Variants in SGSM1 observed in about 807,000 individuals in gnomAD.
The protein encoded by SGSM1 is RUN and TBC1 domain containing 2.
A neutral mutation model predicts 133.8 loss-of-function variants in SGSM1; 73 were observed. The ratio of observed to expected loss-of-function variants is 0.55; its 90% CI spans 0.45 to 0.66. The LOEUF (loss-of-function observed/expected upper bound fraction) is 0.66. Among genes scored for constraint, SGSM1 ranks in the 30% least tolerant of loss-of-function variants. The pLI is 0.00. For missense variants in SGSM1, 1,213 were observed against 1,448.1 expected (o/e 0.84, Z 2.64); for synonymous variants, 563 against 573.0 (o/e 0.98, Z 0.25).
intron 15 of SGSM1, among the ~76,000 whole-genome samples, chr22:24,885,905 A>G (rs1883856982): frequency 6.6e-6 from 1 of 152,172 alleles, no homozygotes; most frequent in Non-Finnish European, 1.5e-5. Flanking sequence ...TATTCACGCC[A>G]GGATATCTGA....
intron 9 of SGSM1, 111 bp downstream of exon 9, chr22:24,859,951 C>A (rs982986497): frequency 1.4e-6 from 2 of 1,450,898 alleles, no homozygotes; most frequent in African/African-American, 1.4e-5. Context: ...CTTCTGCCCC[C>A]TCCTCTGCCT....
intron 4 of SGSM1, among the ~76,000 whole-genome samples, chr22:24,849,783 G>A (rs73879149): frequency 0.01 from 1,595 of 152,270 alleles, 37 homozygotes; most frequent in African/African-American, 0.036. Flanking sequence ...CGGAAGAAGC[G>A]GCAGCCCAGG....
chr22:24,856,196 T>C, intron 8 of SGSM1: 3 of 306,926 alleles, frequency 9.8e-6, no homozygotes, highest in South Asian at 8.7e-5. Flanking sequence ...TAGGTGCATA[T>C]GGTAGCAAGA....
Position 24,925,511 on chromosome 22 carries a change from G to A in SGSM1, c.*1237G>A, listed in dbSNP as rs1248325518. 1.3e-5 allele frequency: 2 copies of A among 152,124 alleles called. No individual in the cohort carries two copies. The highest frequency in any genetic ancestry group is 2.9e-5 in the Non-Finnish European group (2 of 68,030). The allele number at this position is 152,124 out of a possible 1,614,324, so 9.4% of individuals were successfully genotyped here. ...AGAAAAGTATCTCCCCACATAGGCG[G>A]TGGACCCAAAAAGTGTAGGCATGAG... On this transcript the variant is annotated 3_prime_UTR_variant, in exon 25 of 25. Transcript: ENST00000400358.
In SGSM1 at chr22:24,926,586, T is replaced by G. The variant is rs1934214967; in HGVS notation, c.*2312T>G. ...TAGTCTCAAAGTACAGCACAAAATC[T>G]CTTCTCTGCCTTCTCTTGTGATGTT... On this transcript the variant is annotated 3_prime_UTR_variant, in exon 25 of 25. Coordinates refer to ENST00000400358, the MANE Select transcript of SGSM1 (RefSeq NM_001098497.3). The G allele has an allele frequency of 6.6e-6, 1 of 152,180 alleles. No homozygotes were observed. Among genetic ancestry groups the G allele is most frequent in the Non-Finnish European group, 1.5e-5 (1 of 68,044 alleles). 9.4% of individuals were successfully genotyped at this position (152,180 alleles called of 1,614,324 possible). A position where few individuals can be genotyped will look rare whatever the true frequency, so the allele number is the denominator to read the frequency against.
intron 9 of SGSM1, among the ~76,000 whole-genome samples, chr22:24,862,549 T>A (rs564637869): frequency 6.6e-6 from 1 of 152,312 alleles, no homozygotes; most frequent in South Asian, 2.1e-4. Context: ...TAGTACATAG[T>A]AGGTGCTCAG....
At chr22:24,864,943 A>T (rs985496072) in intron 9 of SGSM1, among the ~76,000 whole-genome samples, 3 of 152,210 alleles carry the variant, frequency 2.0e-5, no homozygotes, top group African/African-American at 7.2e-5. Context: ...CAGATTATTT[A>T]TCTGTAAGAT....
intron 10 of SGSM1, among the ~76,000 whole-genome samples, chr22:24,867,449 C>G (rs1931522953): frequency 6.6e-6 from 1 of 152,222 alleles, no homozygotes; most frequent in Admixed American, 6.5e-5. Flanking sequence ...CTGACACTTA[C>G]TAAGCAGTGA....
intron 12 of SGSM1, chr22:24,874,698 T>C (rs1309125791): frequency 6.9e-6 from 9 of 1,310,616 alleles, no homozygotes; most frequent in Non-Finnish European, 8.2e-6. Context: ...GGCAGAGGGA[T>C]TGATGCCCTC....
intron 2 of SGSM1, among the ~76,000 whole-genome samples, chr22:24,827,738 C>T (rs1026871241): frequency 6.6e-6 from 1 of 152,084 alleles, no homozygotes; most frequent in Non-Finnish European, 1.5e-5. Flanking sequence ...TGCTGATTAC[C>T]ACCCACCTCA....
At chr22:24,855,512 A>G (rs1653095088) in intron 7 of SGSM1, 37 bp from the exon 8 acceptor site, 4 of 1,613,434 alleles carry the variant, frequency 2.5e-6, no homozygotes, top group Non-Finnish European at 3.4e-6. Context: ...AAATCACCCC[A>G]GGCCTCATCC....
intron 21 of SGSM1, among the ~76,000 whole-genome samples, chr22:24,906,897 G>C (rs1933402323): frequency 6.6e-6 from 1 of 152,056 alleles, no homozygotes; most frequent in Non-Finnish European, 1.5e-5. Context: ...GTTGGAGTGA[G>C]CTGAGATTGC....
chr22:24,810,524 G>A (rs909432563), intron 2 of SGSM1, among the ~76,000 whole-genome samples: 31 of 152,092 alleles, frequency 2.0e-4, no homozygotes, highest in African/African-American at 6.5e-4. Context: ...CTGGCTTCCC[G>A]TTGCCATAAC....
intron 14 of SGSM1, among the ~76,000 whole-genome samples, chr22:24,880,052 C>T (rs1278711842): frequency 2.0e-5 from 3 of 152,022 alleles, no homozygotes; most frequent in Non-Finnish European, 4.4e-5. Flanking sequence ...GATGACTTGC[C>T]TAAGGTCACA....
chr22:24,885,760 C>T (rs540164153), intron 15 of SGSM1, among the ~76,000 whole-genome samples: 8 of 152,304 alleles, frequency 5.3e-5, no homozygotes, highest in African/African-American at 1.4e-4. Context: ...ATGTATCCCT[C>T]GCTCTTTTAC....
Position 24,893,546 on chromosome 22 carries a change from C to T in SGSM1, c.1886C>T (p.Ser629Leu), listed in dbSNP as rs865885556. ...ESHAAALAKC[S>L]SGASLDSHLH... is the part of the protein sequence containing the mutation. ...CATGCGGCCGCCCTGGCCAAATGCT[C>T]ATCCGGGGCCAGCTTGGACAGCCAC... The change falls in exon 17 of 25, where the codon TCA becomes TTA. Residue 629 changes from serine (S) to leucine (L), a missense_variant. Transcript: ENST00000400358. The T allele has an allele frequency of 1.9e-6, 3 of 1,606,324 alleles. No individual in the cohort carries two copies. In the Admixed American group the frequency reaches 5.1e-5, roughly 27 times the overall value.
rs368429859 is a variant in SGSM1 at position 24,868,679 on chromosome 22, A to ACAGAT, written c.1159-43_1159-39dup. The stretch of plus-strand genomic sequence containing the variant: ...CCCTCAGACTAAGCAAGTTGTGGGG[A>ACAGAT]CAGATGTGTCCCAAGGACCTTGTTT... On this transcript the variant is annotated intron_variant, in intron 11 of 24. Transcript: ENST00000400358. The ACAGAT allele has an allele frequency of 8.9e-4, 1,428 of 1,611,364 alleles. 5 individuals are homozygous for ACAGAT. The highest frequency in any genetic ancestry group is 8.8e-3 in the African/African-American group (661 of 74,938).
At chr22:24,855,990 C>T (rs1284333653) in intron 8 of SGSM1, 2 of 522,974 alleles carry the variant, frequency 3.8e-6, no homozygotes, top group East Asian at 8.5e-5. Context: ...TCTTTACATT[C>T]ACCCATCCAC....
chr22:24,871,775 A>G (rs1471841642), intron 12 of SGSM1, among the ~76,000 whole-genome samples: 1 of 152,184 alleles, frequency 6.6e-6, no homozygotes. Flanking sequence ...TTCAGTCTCA[A>G]GGTCAACTTC....
Sources: gnomAD v4.1 joint callset for allele counts (sites outside exome capture counted in the v4.1 genomes callset) on GRCh38, gnomAD v4.1.1 for gene constraint, MANE v1.5 for transcripts, NCBI Gene and HGNC (gene_info 2026-07-23, HGNC 2026-07-21) for gene names.